The following NCOA2 variants were observed in gnomAD, a reference collection of about 807,000 sequenced individuals.
The protein encoded by NCOA2 is nuclear receptor coactivator 2.
Under a neutral mutation model 145.1 loss-of-function variants are expected in NCOA2, and 21 were observed. That is an observed-to-expected ratio of 0.14 (90% CI 0.10 to 0.21). NCOA2 has a LOEUF of 0.21. NCOA2 is among the 10% of genes least tolerant of loss of function. The probability of loss-of-function intolerance (pLI) is 1.00; values close to 1 mark genes in which losing one functional copy is unlikely to be tolerated. For missense variants in NCOA2, 1,472 were observed against 1,837.6 expected (o/e 0.80, Z 3.64); for synonymous variants, 619 against 637.5 (o/e 0.97, Z 0.44).
intron 2 of NCOA2, among the ~76,000 whole-genome samples, chr8:70,296,386 G>A (rs1352876996): frequency 6.6e-6 from 1 of 151,988 alleles, no homozygotes; most frequent in African/African-American, 2.4e-5. Flanking sequence ...AGTTTGCTAA[G>A]AAATGAGAAA....
chr8:70,213,435 G>A (rs1162800267), intron 4 of NCOA2, among the ~76,000 whole-genome samples: 1 of 152,210 alleles, frequency 6.6e-6, no homozygotes, highest in Non-Finnish European at 1.5e-5. Context: ...CAAATCTCTT[G>A]TCATTCAGGA....
chr8:70,160,792 C>G (rs1448035329), intron 9 of NCOA2, among the ~76,000 whole-genome samples: 1 of 152,064 alleles, frequency 6.6e-6, no homozygotes, highest in Non-Finnish European at 1.5e-5. Context: ...CAGTTAGATA[C>G]TACATTTAGG....
At chr8:70,369,688 T>A (rs1427015711) in intron 1 of NCOA2, among the ~76,000 whole-genome samples, 1 of 152,146 alleles carries the variant, frequency 6.6e-6, no homozygotes, top group Non-Finnish European at 1.5e-5. Flanking sequence ...GTATGTGTTT[T>A]GGGGGGCTGA....
At chr8:70,367,318 A>G (rs971452431) in intron 1 of NCOA2, among the ~76,000 whole-genome samples, 5 of 152,242 alleles carry the variant, frequency 3.3e-5, no homozygotes, top group Admixed American at 2.6e-4. Context: ...AATTCAAAAT[A>G]ACAGCATTTG....
intron 2 of NCOA2, among the ~76,000 whole-genome samples, chr8:70,221,762 C>T (rs575710481): frequency 5.3e-5 from 8 of 152,232 alleles, no homozygotes; most frequent in African/African-American, 1.9e-4. Flanking sequence ...TTGATTCATA[C>T]AAAGAATCAT....
At chr8:70,173,852 GA>G (rs1404034080) in intron 5 of NCOA2, among the ~76,000 whole-genome samples, 1 of 150,690 alleles carries the variant, frequency 6.6e-6, no homozygotes, top group African/African-American at 2.4e-5. Flanking sequence ...AGCATCAACT[GA>G]AAAAAAAGAG....
chr8:70,192,598 A>G (rs771965459), intron 4 of NCOA2, among the ~76,000 whole-genome samples: 2 of 152,262 alleles, frequency 1.3e-5, no homozygotes, highest in Non-Finnish European at 2.9e-5. Flanking sequence ...CTACCAGGGC[A>G]GAAAGGAAGG....
chr8:70,219,820 T>C (rs1005993963), intron 2 of NCOA2, among the ~76,000 whole-genome samples: 1 of 152,112 alleles, frequency 6.6e-6, no homozygotes, highest in Non-Finnish European at 1.5e-5. Context: ...CTGATATTTC[T>C]AATGCTTATG....
At chr8:70,421,799 A>C in the NCOA2 span, among the ~76,000 whole-genome samples, 2 of 151,990 alleles carry the variant, frequency 1.3e-5, no homozygotes, top group African/African-American at 4.8e-5. Flanking sequence ...TATAGTTAAA[A>C]AAGTAAAAAT....
At chr8:70,277,043 T>C (rs1825519546) in intron 2 of NCOA2, among the ~76,000 whole-genome samples, 1 of 152,246 alleles carries the variant, frequency 6.6e-6, no homozygotes, top group African/African-American at 2.4e-5. Context: ...AAGCAGAACC[T>C]AGATTTCTCC....
intron 1 of NCOA2, among the ~76,000 whole-genome samples, chr8:70,364,195 C>T (rs1810464144): frequency 1.3e-5 from 2 of 151,588 alleles, no homozygotes; most frequent in South Asian, 2.1e-4. Context: ...TTAATCCCAA[C>T]ACCAAATAAA....
At chr8:70,326,445 ACAC>A (rs1806571239) in intron 1 of NCOA2, among the ~76,000 whole-genome samples, 1 of 148,274 alleles carries the variant, frequency 6.7e-6, no homozygotes, top group African/African-American at 2.5e-5. Context: ...ACACACACAC[ACAC>A]ACGTGCACAC....
chr8:70,110,743 TA>T lies in NCOA2; in HGVS notation c.*2888del, dbSNP rs764902518. ...TATTACAGGCCATAAGAGATACACA[TA>T]GGGGGAGGGGCATTTTAATCTTTGA... On this transcript the variant is annotated 3_prime_UTR_variant, in exon 23 of 23. Transcript: ENST00000452400. The T allele has an allele frequency of 7.2e-5, 16 of 221,596 alleles. No homozygotes were observed. The highest frequency in any genetic ancestry group is 6.7e-5 in the African/African-American group (3 of 44,756). 13.7% of individuals were successfully genotyped at this position (221,596 alleles called of 1,614,324 possible).
intron 1 of NCOA2, among the ~76,000 whole-genome samples, chr8:70,382,649 G>T (rs904548192): frequency 7.2e-5 from 11 of 152,168 alleles, no homozygotes; most frequent in African/African-American, 2.2e-4. Flanking sequence ...TTGTAAAAAT[G>T]AATCTGATCC....
chr8:70,152,702 A>G (rs1248972920), intron 11 of NCOA2, among the ~76,000 whole-genome samples: 1 of 152,218 alleles, frequency 6.6e-6, no homozygotes, highest in African/African-American at 2.4e-5. Flanking sequence ...TGGTTAGGAA[A>G]TGCTGTAGAA....
intron 4 of NCOA2, among the ~76,000 whole-genome samples, chr8:70,176,374 A>C (rs1218227191): frequency 6.6e-6 from 1 of 152,168 alleles, no homozygotes; most frequent in African/African-American, 2.4e-5. Context: ...TCATAACTCA[A>C]TATTGGTGGA....
chr8:70,222,927 C>G (rs1201184347), intron 2 of NCOA2, among the ~76,000 whole-genome samples: 1 of 152,186 alleles, frequency 6.6e-6, no homozygotes, highest in Non-Finnish European at 1.5e-5. Context: ...CTTCTACTTT[C>G]TAAATTCTCA....
intron 1 of NCOA2, among the ~76,000 whole-genome samples, chr8:70,397,546 A>T (rs1813791559): frequency 1.3e-5 from 2 of 152,130 alleles, no homozygotes; most frequent in African/African-American, 2.4e-5. Flanking sequence ...GGCTGCACTC[A>T]GGAGCATTCC....
chr8:70,335,115 T>C (rs1807452342), intron 1 of NCOA2, among the ~76,000 whole-genome samples: 1 of 87,444 alleles, frequency 1.1e-5, no homozygotes, highest in Admixed American at 2.0e-4. Flanking sequence ...AGCATGAGAC[T>C]CCATCTCAAA....
Sources: allele counts gnomAD v4.1 joint callset (sites outside exome capture counted in the v4.1 genomes callset), GRCh38; gene constraint gnomAD v4.1.1; transcripts MANE v1.5; gene names NCBI Gene and HGNC (gene_info 2026-07-23, HGNC 2026-07-21).